The following CERS6 variants were observed in gnomAD, a reference collection of about 807,000 sequenced individuals.
The protein encoded by CERS6 is ceramide synthase 6, also known as LAG1 homolog, ceramide synthase 6.
In CERS6, 26 loss-of-function variants were observed where a neutral mutation model predicts 56.8. The observed-to-expected ratio is 0.46, with a 90% CI of 0.34 to 0.63. The LOEUF (loss-of-function observed/expected upper bound fraction) is 0.63, where lower values mean the gene tolerates loss of function less well. CERS6 is among the 30% of genes least tolerant of loss of function. The pLI, the probability that CERS6 is intolerant of heterozygous loss-of-function variation, is 0.01. For missense variants in CERS6, 415 were observed against 467.5 expected, an observed-to-expected ratio of 0.89 and a Z score of 1.04; for synonymous variants, 164 against 173.3, an observed-to-expected ratio of 0.95 and a Z score of 0.42.
chr2:168,509,707 T>C (rs1403054982), intron 1 of CERS6, among the ~76,000 whole-genome samples: 7 of 152,258 alleles, frequency 4.6e-5, no homozygotes, highest in Non-Finnish European at 8.8e-5. Context: ...TTTGGTATAC[T>C]GGTACAGTTT....
chr2:168,579,974 G>A (rs759754022), intron 3 of CERS6, among the ~76,000 whole-genome samples: 23 of 152,028 alleles, frequency 1.5e-4, no homozygotes, highest in East Asian at 7.7e-4. Flanking sequence ...TAATCACAAC[G>A]CCACTTTTCC....
intron 1 of CERS6, among the ~76,000 whole-genome samples, chr2:168,540,920 C>T (rs753487487): frequency 6.6e-6 from 1 of 152,024 alleles, no homozygotes; most frequent in African/African-American, 2.4e-5. Context: ...TTGTGTTGCT[C>T]CAAAGGAATA....
chr2:168,758,845 A>G (rs1480713801), intron 8 of CERS6, among the ~76,000 whole-genome samples: 1 of 152,184 alleles, frequency 6.6e-6, no homozygotes, highest in Non-Finnish European at 1.5e-5. Flanking sequence ...TGCAGTCCTC[A>G]GGTTGCAGGG....
intron 5 of CERS6, among the ~76,000 whole-genome samples, chr2:168,692,673 A>G (rs1462686574): frequency 6.6e-6 from 1 of 152,202 alleles, no homozygotes; most frequent in Non-Finnish European, 1.5e-5. Flanking sequence ...CCCAAAATGT[A>G]GGACAAATTG....
chr2:168,540,053 A>G (rs1695338813), intron 1 of CERS6, among the ~76,000 whole-genome samples: 2 of 152,122 alleles, frequency 1.3e-5, no homozygotes. Context: ...TTCCTTTAGC[A>G]TATTTGAAAT....
At chr2:168,727,483 AG>A (rs1258341844) in intron 8 of CERS6, among the ~76,000 whole-genome samples, 1 of 151,548 alleles carries the variant, frequency 6.6e-6, no homozygotes, top group Non-Finnish European at 1.5e-5. Flanking sequence ...TGGGAGGCGA[AG>A]GTTGCAGTGA....
chr2:168,516,245 A>G (rs186245832), intron 1 of CERS6, among the ~76,000 whole-genome samples: 3 of 152,306 alleles, frequency 2.0e-5, no homozygotes, highest in Admixed American at 6.5e-5. Context: ...CCACCATGGA[A>G]TCAAGTCATA....
intron 3 of CERS6, among the ~76,000 whole-genome samples, chr2:168,566,076 G>C (rs1465087387): frequency 3.9e-5 from 6 of 152,190 alleles, no homozygotes; most frequent in Admixed American, 2.0e-4. Context: ...TAAGATGTCA[G>C]AATAAATGGC....
intron 1 of CERS6, among the ~76,000 whole-genome samples, chr2:168,524,272 A>G (rs1197769502): frequency 6.6e-6 from 1 of 152,236 alleles, no homozygotes; most frequent in Admixed American, 6.5e-5. Flanking sequence ...TAGAATGCTC[A>G]TGACTTACAT....
intron 1 of CERS6, among the ~76,000 whole-genome samples, chr2:168,520,168 T>G (rs1694951702): frequency 6.6e-6 from 1 of 152,244 alleles, no homozygotes; most frequent in Admixed American, 6.5e-5. Flanking sequence ...TGACTTGCAT[T>G]TCTCTGATGA....
chr2:168,584,374 A>C (rs558431412), intron 3 of CERS6, among the ~76,000 whole-genome samples: 1 of 152,188 alleles, frequency 6.6e-6, no homozygotes, highest in Non-Finnish European at 1.5e-5. Flanking sequence ...AGTAATATCT[A>C]TCTACATAGA....
chr2:168,552,172 T>G (rs1695584223), intron 2 of CERS6, among the ~76,000 whole-genome samples: 1 of 152,180 alleles, frequency 6.6e-6, no homozygotes, highest in Non-Finnish European at 1.5e-5. Flanking sequence ...ACTTTCCTTC[T>G]TTGCCTCCCA....
At chr2:168,520,892 A>G (rs1694966343) in intron 1 of CERS6, among the ~76,000 whole-genome samples, 1 of 152,020 alleles carries the variant, frequency 6.6e-6, no homozygotes, top group Non-Finnish European at 1.5e-5. Context: ...TACAGACGTG[A>G]GCCACCACGC....
chr2:168,625,179 G>A lies in CERS6; in HGVS notation c.408-5806G>A, dbSNP rs923612082. On this transcript the variant is annotated intron_variant, in intron 3 of 9. Coordinates refer to ENST00000305747, the MANE Select transcript of CERS6 (RefSeq NM_203463.3). ...TGAGAATGTCTCAATTAATAAAATC[G>A]ATTTCAGAATCAAAAGAACCATATA... Among the ~76,000 whole-genome samples the A allele has an allele frequency of 2.6e-5, 4 of 152,050 alleles. No individual in the cohort carries two copies. In the East Asian group the frequency reaches 5.8e-4, roughly 22 times the overall value.
In CERS6 at chr2:168,457,367, A is replaced by C. The variant is rs73969221; in HGVS notation, c.170+749A>C. ...CTTTTTTGGTACTCGAAGGCACTTA[A>C]AATTTTGAGGAATTGTCATGCAATT... On this transcript the variant is annotated intron_variant, in intron 1 of 9. Transcript: ENST00000305747. Among the ~76,000 whole-genome samples, 1,191 of 152,244 alleles carry C rather than the reference A, an allele frequency of 7.8e-3. 12 individuals carry two copies. Among genetic ancestry groups the C allele is most frequent in the African/African-American group, 0.026 (1,089 of 41,528 alleles).
At chr2:168,587,591 A>G (rs1574083097) in intron 3 of CERS6, among the ~76,000 whole-genome samples, 1 of 152,128 alleles carries the variant, frequency 6.6e-6, no homozygotes, top group East Asian at 1.9e-4. Flanking sequence ...GGCCAGAGGT[A>G]GTTGCTAAGT....
At chr2:168,616,340 A>G (rs1024861831) in intron 3 of CERS6, among the ~76,000 whole-genome samples, 3 of 152,214 alleles carry the variant, frequency 2.0e-5, no homozygotes, top group Non-Finnish European at 4.4e-5. Context: ...AATCCAAGGT[A>G]TACAGGCAAT....
At chr2:168,683,152 G>C (rs889368440) in intron 4 of CERS6, among the ~76,000 whole-genome samples, 9 of 152,090 alleles carry the variant, frequency 5.9e-5, no homozygotes, top group African/African-American at 1.2e-4. Context: ...TACAATAAAT[G>C]CTGGGTCAAA....
intron 8 of CERS6, among the ~76,000 whole-genome samples, chr2:168,737,624 C>T (rs956995879): frequency 4.6e-5 from 7 of 152,128 alleles, no homozygotes. Flanking sequence ...GCTTGAAATG[C>T]GAGTGTGGAT....
Sources: gnomAD v4.1 joint callset for allele counts (sites outside exome capture counted in the v4.1 genomes callset) on GRCh38, gnomAD v4.1.1 for gene constraint, MANE v1.5 for transcripts, NCBI Gene and HGNC (gene_info 2026-07-23, HGNC 2026-07-21) for gene names.